Variants in CEACAM19 observed in about 807,000 individuals in gnomAD.
CEACAM19 encodes the protein cell adhesion molecule CEACAM19.
A neutral mutation model predicts 37.6 loss-of-function variants in CEACAM19; 37 were observed. That is an observed-to-expected ratio of 0.98 (90% CI 0.76 to 1.29). CEACAM19 has a LOEUF of 1.29. CEACAM19 is among the 50% of genes most tolerant of loss of function. CEACAM19 has a pLI of 0.00. For synonymous variants in CEACAM19, 140 were observed against 149.8 expected (o/e 0.93, Z 0.48); for missense variants, 340 against 375.6 (o/e 0.91, Z 0.78).
At chr19:44,674,532 C>A (rs1973912972) in intron 2 of CEACAM19, among the ~76,000 whole-genome samples, 1 of 152,076 alleles carries the variant, frequency 6.6e-6, no homozygotes, top group East Asian at 1.9e-4. Context: ...TCCCATGTAG[C>A]TGGGACTGTA....
chr19:44,681,274 T>TC lies in CEACAM19; in HGVS notation c.759dup (p.Ile254HisfsTer3), dbSNP rs753623469. ...GATGCCCTCTCCAGTCCTCCTGGTG[T>TC]CCCCCATCAGTGACACAAGGTCCAT... On this transcript the variant is annotated frameshift_variant, in exon 6 of 8. Coordinates refer to ENST00000358777, the MANE Select transcript of CEACAM19 (RefSeq NM_001127893.3). LOFTEE classifies it high-confidence loss of function. 6.2e-7 allele frequency: 1 copy of TC among 1,613,906 alleles called. No homozygotes were observed. Among genetic ancestry groups the TC allele is most frequent in the Admixed American group, 1.7e-5 (1 of 60,000 alleles).
At chr19:44,666,677 C>T (rs1376141221), upstream of CEACAM19, among the ~76,000 whole-genome samples, 2 of 151,998 alleles carry the variant, frequency 1.3e-5, no homozygotes, top group South Asian at 2.1e-4. Flanking sequence ...CAGGTGGATT[C>T]TGAGGGTACT....
chr19:44,672,688 C>T lies in CEACAM19; in HGVS notation c.148C>T (p.Leu50Phe). 1 of 1,563,838 alleles carries T rather than the reference C, an allele frequency of 6.4e-7. No homozygotes were observed. The highest frequency in any genetic ancestry group is 8.7e-7 in the Non-Finnish European group (1 of 1,154,086). The change falls in exon 2 of 8, where the codon CTC becomes TTC. Residue 50 changes from leucine (L) to phenylalanine (F), a missense_variant. Physicochemically the swap from Leu to Phe is conservative, Grantham distance 22. Transcript: ENST00000358777. ...PEQPQKNQDL[L>F]LSVQGVPDTF... ...GCAGCCTCAAAAGAACCAGGACCTT[C>T]TCCTGTCAGTCCAGGGTGTCCCAGA...
chr19:44,668,602 TTA>T (rs1183096620), upstream of CEACAM19, among the ~76,000 whole-genome samples: 1 of 67,146 alleles, frequency 1.5e-5, no homozygotes, highest in Non-Finnish European at 2.5e-5. Flanking sequence ...TATACACATA[TTA>T]TATATGTATA....
Position 44,678,837 on chromosome 19 carries a change from T to TA in CEACAM19, c.576-16_576-15insA, listed in dbSNP as rs761339726. ...ATGCTTTATTCCAATTTTCTTCCCC[T>TA]CTCTTTCCACCCTAGACTGCCTGCT... is the stretch of plus-strand genomic sequence containing the variant. On this transcript the variant is annotated splice_polypyrimidine_tract_variant and intron_variant, in intron 3 of 7. Coordinates refer to ENST00000358777, the MANE Select transcript of CEACAM19 (RefSeq NM_001127893.3). 8.1e-6 allele frequency: 13 copies of TA among 1,610,606 alleles called. No homozygotes were observed. The African/African-American group carries it at 1.6e-4, about 20-fold the overall frequency.
At chr19:44,674,044 G>A (rs947533309) in intron 2 of CEACAM19, among the ~76,000 whole-genome samples, 6 of 152,122 alleles carry the variant, frequency 3.9e-5, no homozygotes, top group Non-Finnish European at 7.4e-5. Context: ...TCAGGAGTTC[G>A]AGATCACCCT....
intron 3 of CEACAM19, 24 bp downstream of exon 3, chr19:44,676,445 C>T: frequency 6.2e-7 from 1 of 1,610,888 alleles, no homozygotes; most frequent in Non-Finnish European, 8.5e-7. Context: ...AAGTGTCCCT[C>T]TCCTGTCTGC....
chr19:44,669,161 C>T (rs1375110173), upstream of CEACAM19, among the ~76,000 whole-genome samples: 1 of 151,846 alleles, frequency 6.6e-6, no homozygotes, highest in African/African-American at 2.4e-5. Flanking sequence ...ACTCTGTCAC[C>T]CAGGCTGGAG....
upstream of CEACAM19, among the ~76,000 whole-genome samples, chr19:44,666,605 G>T (rs1367365159): frequency 6.6e-6 from 1 of 152,184 alleles, no homozygotes; most frequent in Non-Finnish European, 1.5e-5. Context: ...GGGAGGTGGA[G>T]GTTGCAGTGA....
chr19:44,671,978 T>C lies in CEACAM19; in HGVS notation c.47T>C (p.Leu16Pro), dbSNP rs1353069487. 1 of 1,604,704 alleles carries C rather than the reference T, an allele frequency of 6.2e-7. No individual in the cohort carries two copies. The highest frequency in any genetic ancestry group is 1.7e-5 in the Admixed American group (1 of 59,120). The change falls in exon 1 of 8, where the codon CTG becomes CCG. Residue 16 changes from leucine (L) to proline (P), a missense_variant. Physicochemically the swap from Leu to Pro is moderately conservative, Grantham distance 98 (BLOSUM62 -3). Transcript: ENST00000358777. Reference sequence around the variant, plus strand: ...CAGGGCTGCTTCTCAAAGAGCCTCCTGCTCTCAGGTAAGGAGGAAATAGAC... The same window carrying C: ...CAGGGCTGCTTCTCAAAGAGCCTCCCGCTCTCAGGTAAGGAGGAAATAGAC... ...GTQGCFSKSL[L>P]LSASILVLWM...
At chr19:44,672,502 C>G in intron 1 of CEACAM19, 94 bp from the exon 2 acceptor site, 4 of 1,310,182 alleles carry the variant, frequency 3.1e-6, no homozygotes, top group Non-Finnish European at 1.0e-6. Flanking sequence ...ACTCAGAGTC[C>G]TTGCTCCCCG....
Position 44,672,610 on chromosome 19 carries a change from C to G in CEACAM19, c.70C>G (p.Leu24Val). Residue 24 changes from leucine to valine, a missense_variant, in exon 2 of 8, where the codon CTC becomes GTC. Transcript: ENST00000358777. The stretch of plus-strand genomic sequence containing the variant: ...ACTTCCCACAGCCTCAATCCTGGTC[C>G]TCTGGATGCTCCAAGGCTCCCAGGC... The part of the protein sequence containing the change: ...SLLLSASILV[L>V]WMLQGSQAAL... 1 of 1,475,834 alleles carries G rather than the reference C, an allele frequency of 6.8e-7. No homozygotes were observed. The highest frequency in any genetic ancestry group is 9.0e-7 in the Non-Finnish European group (1 of 1,112,320). The allele number at this position is 1,475,834 out of a possible 1,614,324, so 91.4% of individuals were successfully genotyped here. A position where few individuals can be genotyped will look rare whatever the true frequency, so the allele number is the denominator to read the frequency against.
At position 44,676,393 on chromosome 19, in the gene CEACAM19, A is replaced by T. The variant is rs1331455200; in HGVS notation, c.547A>T (p.Thr183Ser). Reference protein sequence around the residue: ...LISCIAYLLVTRNWRGQSHRL... With the variant: ...LISCIAYLLVSRNWRGQSHRL... ...CAGCTGCATTGCCTATCTCCTGGTGACAAGGAACTGGAGGGGCCAGAGCCA... is the reference window on the plus strand; with the variant it reads ...CAGCTGCATTGCCTATCTCCTGGTGTCAAGGAACTGGAGGGGCCAGAGCCA... The change falls in exon 3 of 8, where the codon ACA becomes TCA. Residue 183 changes from threonine to serine, a missense_variant. Coordinates refer to ENST00000358777, the MANE Select transcript of CEACAM19 (RefSeq NM_001127893.3). 6.2e-7 allele frequency: 1 copy of T among 1,614,058 alleles called. No individual in the cohort carries two copies. The highest frequency in any genetic ancestry group is 8.5e-7 in the Non-Finnish European group (1 of 1,180,006).
rs570227930 is a variant in CEACAM19 at position 44,682,791 on chromosome 19, C to G, written c.846+171C>G. On this transcript the variant is annotated intron_variant, in intron 7 of 7. Coordinates refer to ENST00000358777, the MANE Select transcript of CEACAM19 (RefSeq NM_001127893.3). ...AGCCCAAACCGCCTCCCTGAGAGAC[C>G]CTGGCAAGTCCCTTTTCCTCCCAAG... 5.8e-4 allele frequency: 339 copies of G among 586,408 alleles called. 2 individuals carry two copies. Among genetic ancestry groups the G allele is most frequent in the African/African-American group, 5.5e-3 (284 of 51,398 alleles). 36.3% of individuals were successfully genotyped at this position (586,408 alleles called of 1,614,324 possible).
Position 44,676,251 on chromosome 19 carries a change from T to G in CEACAM19, c.425-20T>G. 6.2e-7 allele frequency: 1 copy of G among 1,612,446 alleles called. No individual in the cohort carries two copies. The highest frequency in any genetic ancestry group is 8.5e-7 in the Non-Finnish European group (1 of 1,178,964). ...ACATCGCACAGTCCCCCCTCTCTCT[T>G]TCTTTCTCTCACCCCTCAGAAAAGA... On this transcript the variant is annotated intron_variant, in intron 2 of 7. Transcript: ENST00000358777.
chr19:44,682,602 A>G lies in CEACAM19; in HGVS notation c.828A>G (p.Pro276=). ...CACCCCCACACCTGCAGGCGGAGCC[A>G]GAGAACCACCAGTACCAGGTATGGA... ...LPTPPHLQAE[P]ENHQYQDLLN... is the part of the protein sequence containing the mutation. Residue 276 remains proline (P), a synonymous_variant, in exon 7 of 8, where the codon CCA becomes CCG. Transcript: ENST00000358777. 1 of 1,605,450 alleles carries G rather than the reference A, an allele frequency of 6.2e-7. No homozygotes were observed. Among genetic ancestry groups the G allele is most frequent in the Non-Finnish European group, 8.5e-7 (1 of 1,176,216 alleles).
In CEACAM19 at chr19:44,675,097, CGTGTGTGTGTGTGTGT is replaced by C. The variant is rs59147604; in HGVS notation, c.425-1149_425-1134del. On this transcript the variant is annotated intron_variant, in intron 2 of 7. Coordinates refer to ENST00000358777, the MANE Select transcript of CEACAM19 (RefSeq NM_001127893.3). ...CTTTGTTGGATCATTCAGAGAACAGCGTGTGTGTGTGTGTGTGTGTGTGTGTGTGTGTGTGTGTGTA... is the reference window on the plus strand; with the variant it reads ...CTTTGTTGGATCATTCAGAGAACAGCGTGTGTGTGTGTGTGTGTGTGTGTA... Among the ~76,000 whole-genome samples, 379 of 143,902 alleles carry C rather than the reference CGTGTGTGTGTGTGTGT, an allele frequency of 2.6e-3. 1 individual carries two copies. The highest frequency in any genetic ancestry group is 4.3e-3 in the Non-Finnish European group (284 of 66,012). 94.4% of individuals were successfully genotyped at this position (143,902 alleles called of 152,430 possible).
chr19:44,671,858 A>G lies in CEACAM19; in HGVS notation c.-74A>G, dbSNP rs1055979909. On this transcript the variant is annotated 5_prime_UTR_variant, in exon 1 of 8. Coordinates refer to ENST00000358777, the MANE Select transcript of CEACAM19 (RefSeq NM_001127893.3). ...TCCCCACTGAGCTGGCCTACTTCAG[A>G]CAGCCAGGGCCCACCCCTCTGGCCC... 2.2e-6 allele frequency: 3 copies of G among 1,390,726 alleles called. No individual in the cohort carries two copies. Among genetic ancestry groups the G allele is most frequent in the Admixed American group, 3.9e-5 (2 of 51,066 alleles). The allele number at this position is 1,390,726 out of a possible 1,614,324, so 86.1% of individuals were successfully genotyped here. A position where few individuals can be genotyped will look rare whatever the true frequency, so the allele number is the denominator to read the frequency against.
rs766167174 is a variant in CEACAM19, at chr19:44,682,549, C to T, written c.793-18C>T. ...GGGGGGTGCCGAGCGCCCACTCACCCGTGTCCTTCCCTTGCAGCCCCTGCC... is the reference window on the plus strand; with the variant it reads ...GGGGGGTGCCGAGCGCCCACTCACCTGTGTCCTTCCCTTGCAGCCCCTGCC... On this transcript the variant is annotated intron_variant, in intron 6 of 7. Transcript: ENST00000358777. The T allele has an allele frequency of 2.4e-5, 38 of 1,590,098 alleles. 2 individuals are homozygous for T. The South Asian group carries it at 3.1e-4, about 13-fold the overall frequency.
Sources: allele counts gnomAD v4.1 joint callset (sites outside exome capture counted in the v4.1 genomes callset), GRCh38; gene constraint gnomAD v4.1.1; transcripts MANE v1.5; gene names NCBI Gene and HGNC (gene_info 2026-07-23, HGNC 2026-07-21).